The following DDX10 variants were observed in gnomAD, a reference collection of about 807,000 sequenced individuals.
The protein encoded by DDX10 is DEAD-box helicase 10, also known as probable ATP-dependent RNA helicase DDX10.
In DDX10, 74 loss-of-function variants were observed where a neutral mutation model predicts 104.3. The ratio of observed to expected loss-of-function variants is 0.71; its 90% CI spans 0.59 to 0.86. The LOEUF is 0.86. DDX10 is among the 40% of genes least tolerant of loss of function. The pLI is 0.00. For missense variants in DDX10, 952 were observed against 1,040.0 expected, an observed-to-expected ratio of 0.92 and a Z score of 1.16; for synonymous variants, 351 against 353.4, an observed-to-expected ratio of 0.99 and a Z score of 0.08.
chr11:108,930,508 T>A (rs1350002964), intron 17 of DDX10, among the ~76,000 whole-genome samples: 1 of 152,200 alleles, frequency 6.6e-6, no homozygotes, highest in Non-Finnish European at 1.5e-5. Context: ...TGGGTAAATA[T>A]CAAAGGGCAT....
intron 13 of DDX10, chr11:108,727,703 T>A (rs1005208168): frequency 6.4e-6 from 1 of 155,166 alleles, no homozygotes; most frequent in Non-Finnish European, 1.5e-5. Context: ...CATTCTGTTT[T>A]TTTTAAAATG....
Position 108,834,336 on chromosome 11 carries a change from C to T in DDX10, c.1966-4110C>T, listed in dbSNP as rs565640878. Among the ~76,000 whole-genome samples the T allele has an allele frequency of 2.6e-5, 4 of 152,038 alleles. No individual in the cohort carries two copies. The South Asian group carries it at 8.3e-4, about 32-fold the overall frequency. ...TTATTTAGTGCATTTGAGTAAGTTG[C>T]CAATATCATTACACTTTCCTCCATA... On this transcript the variant is annotated intron_variant, in intron 13 of 17. Coordinates refer to ENST00000322536, the MANE Select transcript of DDX10 (RefSeq NM_004398.4).
At chr11:108,669,408 G>C (rs1298356431) in intron 1 of DDX10, among the ~76,000 whole-genome samples, 1 of 152,152 alleles carries the variant, frequency 6.6e-6, no homozygotes, top group African/African-American at 2.4e-5. Context: ...GCTAGTTCTT[G>C]AATGATGAGT....
chr11:108,822,312 A>G, intron 13 of DDX10: 1 of 311,014 alleles, frequency 3.2e-6, no homozygotes, highest in Non-Finnish European at 6.2e-6. Flanking sequence ...GTTTTGTAAT[A>G]AATAAGGCAG....
chr11:108,686,721 G>T (rs930900290), intron 6 of DDX10, among the ~76,000 whole-genome samples: 2 of 152,160 alleles, frequency 1.3e-5, no homozygotes, highest in Non-Finnish European at 2.9e-5. Flanking sequence ...GCAGATCTTT[G>T]TGTGGACGTA....
At chr11:108,797,418 G>A (rs183800537) in intron 13 of DDX10, among the ~76,000 whole-genome samples, 1 of 152,206 alleles carries the variant, frequency 6.6e-6, no homozygotes, top group Non-Finnish European at 1.5e-5. Context: ...TCTGATTTAG[G>A]GCATTCTTTT....
chr11:108,831,409 G>A (rs1395115577), intron 13 of DDX10, among the ~76,000 whole-genome samples: 1 of 123,212 alleles, frequency 8.1e-6, no homozygotes, highest in East Asian at 2.4e-4. Context: ...TGGTGACAGA[G>A]CGAGACTGTC....
At position 108,791,553 on chromosome 11, in the gene DDX10, A is replaced by G. The variant is rs145653856; in HGVS notation, c.1966-46893A>G. 3.3e-4 allele frequency among the ~76,000 whole-genome samples: 51 copies of G among 152,300 alleles called. No individual in the cohort carries two copies. The East Asian group carries it at 6.7e-3, about 20-fold the overall frequency. On this transcript the variant is annotated intron_variant, in intron 13 of 17. Coordinates refer to ENST00000322536, the MANE Select transcript of DDX10 (RefSeq NM_004398.4). ...GTTTGTGGTGTTTTTTCATACTGCC[A>G]CATTTAAATTTTGTTGATTTTCATC...
chr11:108,673,667 A>G, intron 2 of DDX10, 140 bp downstream of exon 2: 1 of 622,916 alleles, frequency 1.6e-6, no homozygotes, highest in Non-Finnish European at 2.8e-6. Flanking sequence ...AATAAGCAAT[A>G]TTCAAGTTTT....
At chr11:108,882,802 A>G (rs577596365) in intron 16 of DDX10, among the ~76,000 whole-genome samples, 2 of 152,334 alleles carry the variant, frequency 1.3e-5, no homozygotes, top group Admixed American at 1.3e-4. Flanking sequence ...AAGAAAGGAC[A>G]TTAAACTATA....
At chr11:108,824,657 T>C (rs1000704877) in intron 13 of DDX10, among the ~76,000 whole-genome samples, 1 of 152,182 alleles carries the variant, frequency 6.6e-6, no homozygotes, top group Non-Finnish European at 1.5e-5. Context: ...TTCCAGCTGC[T>C]TGCTTCCTAA....
At chr11:108,865,102 C>A (rs1052041417) in intron 16 of DDX10, among the ~76,000 whole-genome samples, 3 of 152,136 alleles carry the variant, frequency 2.0e-5, no homozygotes, top group African/African-American at 7.2e-5. Context: ...ACCTGTAAAT[C>A]CTGTTGTGTG....
intron 13 of DDX10, among the ~76,000 whole-genome samples, chr11:108,738,629 C>T (rs546027046): frequency 6.6e-6 from 1 of 152,090 alleles, no homozygotes; most frequent in South Asian, 2.1e-4. Flanking sequence ...TACCCAGTTA[C>T]TCCTTCTTTT....
At chr11:108,679,235 C>A (rs1486124236) in intron 5 of DDX10, 136 bp from the exon 6 acceptor site, 2 of 713,280 alleles carry the variant, frequency 2.8e-6, no homozygotes, top group Non-Finnish European at 2.3e-6. Context: ...ATATAAATTC[C>A]AGACTTTATT....
intron 15 of DDX10, among the ~76,000 whole-genome samples, chr11:108,851,933 G>C (rs1348054300): frequency 6.6e-6 from 1 of 152,194 alleles, no homozygotes; most frequent in African/African-American, 2.4e-5. Flanking sequence ...CATAGCCAGA[G>C]TAAGTGATAT....
intron 16 of DDX10, chr11:108,861,082 T>G (rs1258021889): frequency 1.3e-5 from 2 of 150,434 alleles, no homozygotes; most frequent in Non-Finnish European, 3.0e-5. Context: ...TTTGAGTCAG[T>G]GGGCTAGGGA....
At chr11:108,677,865 C>T (rs932323427) in intron 4 of DDX10, among the ~76,000 whole-genome samples, 2 of 151,922 alleles carry the variant, frequency 1.3e-5, no homozygotes, top group Non-Finnish European at 2.9e-5. Context: ...CCCACCGCCT[C>T]CAGGACTGTG....
intron 16 of DDX10, among the ~76,000 whole-genome samples, chr11:108,885,114 G>A (rs952859357): frequency 5.3e-5 from 8 of 151,970 alleles, no homozygotes; most frequent in African/African-American, 1.9e-4. Context: ...TTGTCACATT[G>A]TTTGTTTTTG....
At chr11:108,843,019 T>G (rs548206194) in intron 15 of DDX10, among the ~76,000 whole-genome samples, 81 of 152,382 alleles carry the variant, frequency 5.3e-4, no homozygotes, top group African/African-American at 1.9e-3. Context: ...AATTTCAAAT[T>G]GGCAAATTGT....
Sources: gnomAD v4.1 joint callset for allele counts (sites outside exome capture counted in the v4.1 genomes callset) on GRCh38, gnomAD v4.1.1 for gene constraint, MANE v1.5 for transcripts, NCBI Gene and HGNC (gene_info 2026-07-23, HGNC 2026-07-21) for gene names.